Variants in CACNA1D observed in about 807,000 individuals in gnomAD.
CACNA1D encodes the protein voltage-dependent L-type calcium channel subunit alpha-1D.
Under a neutral mutation model 257.1 loss-of-function variants are expected in CACNA1D, and 55 were observed. That is an observed-to-expected ratio of 0.21 (90% CI 0.17 to 0.27). The LOEUF (loss-of-function observed/expected upper bound fraction) is 0.27, where lower values mean the gene tolerates loss of function less well. CACNA1D is among the 10% of genes least tolerant of loss of function. The probability of loss-of-function intolerance (pLI) is 1.00; values close to 1 mark genes in which losing one functional copy is unlikely to be tolerated. For synonymous variants in CACNA1D, 980 were observed against 1,014.9 expected, an observed-to-expected ratio of 0.97 and a Z score of 0.65; for missense variants, 1,876 against 2,784.0, an observed-to-expected ratio of 0.67 and a Z score of 7.34.
intron 29 of CACNA1D, among the ~76,000 whole-genome samples, chr3:53,759,661 C>T (rs2095288954): frequency 6.6e-6 from 1 of 152,240 alleles, no homozygotes; most frequent in African/African-American, 2.4e-5. Context: ...AAGAAAAGGG[C>T]AGGCTCTGCC....
At chr3:53,736,218 G>A (rs890637749) in intron 20 of CACNA1D, among the ~76,000 whole-genome samples, 1 of 152,094 alleles carries the variant, frequency 6.6e-6, no homozygotes. Context: ...TCACATACCT[G>A]CAGTCCCAGC....
At chr3:53,638,266 G>C (rs1029191886) in intron 3 of CACNA1D, among the ~76,000 whole-genome samples, 7 of 152,196 alleles carry the variant, frequency 4.6e-5, no homozygotes, top group Non-Finnish European at 1.0e-4. Flanking sequence ...AGTCCAGGAA[G>C]GTGTAAGAGC....
At chr3:53,510,366 A>C (rs533270277) in intron 3 of CACNA1D, among the ~76,000 whole-genome samples, 3 of 152,338 alleles carry the variant, frequency 2.0e-5, no homozygotes, top group Admixed American at 2.0e-4. Context: ...TAGACCTTAC[A>C]GACCTTTCCA....
intron 3 of CACNA1D, among the ~76,000 whole-genome samples, chr3:53,606,357 C>T (rs2093510491): frequency 6.6e-6 from 1 of 152,234 alleles, no homozygotes; most frequent in South Asian, 2.1e-4. Flanking sequence ...ATGTGAGCAG[C>T]TTCTCTCATT....
intron 3 of CACNA1D, among the ~76,000 whole-genome samples, chr3:53,572,153 T>C (rs1350301673): frequency 6.6e-6 from 1 of 152,156 alleles, no homozygotes; most frequent in Non-Finnish European, 1.5e-5. Flanking sequence ...CTTGTATGTT[T>C]CAAAAGCATC....
At chr3:53,701,433 G>A (rs1206375620) in intron 8 of CACNA1D, among the ~76,000 whole-genome samples, 2 of 152,132 alleles carry the variant, frequency 1.3e-5, no homozygotes, top group Non-Finnish European at 2.9e-5. Flanking sequence ...TGCCTGGCTG[G>A]GGTTAGCTTT....
intron 3 of CACNA1D, among the ~76,000 whole-genome samples, chr3:53,643,259 C>A (rs1223344030): frequency 6.6e-6 from 1 of 152,036 alleles, no homozygotes; most frequent in Non-Finnish European, 1.5e-5. Flanking sequence ...TTCATTAATA[C>A]CTGCAGGGGA....
At chr3:53,733,942 GTGTGTGTGTGTA>G (rs1442944888) in intron 19 of CACNA1D, among the ~76,000 whole-genome samples, 3 of 136,124 alleles carry the variant, frequency 2.2e-5, no homozygotes, top group Admixed American at 7.4e-5. Context: ...GTGTGTGTGT[GTGTGTGTGTGTA>G]TGTATGTATG....
intron 3 of CACNA1D, among the ~76,000 whole-genome samples, chr3:53,631,779 C>T (rs2093824890): frequency 6.6e-6 from 1 of 152,150 alleles, no homozygotes; most frequent in African/African-American, 2.4e-5. Flanking sequence ...GCATGAAAAC[C>T]TTCATCTCCT....
intron 3 of CACNA1D, among the ~76,000 whole-genome samples, chr3:53,517,296 C>A (rs1027580388): frequency 6.6e-6 from 1 of 151,892 alleles, no homozygotes; most frequent in Non-Finnish European, 1.5e-5. Context: ...ACATCTGGGA[C>A]CTACGCAGAA....
At chr3:53,517,827 C>T (rs1032410065) in intron 3 of CACNA1D, among the ~76,000 whole-genome samples, 4 of 152,222 alleles carry the variant, frequency 2.6e-5, no homozygotes, top group Non-Finnish European at 5.9e-5. Flanking sequence ...GTTCCTTGAA[C>T]TCCTTGAGAT....
chr3:53,633,854 T>A (rs971291807), intron 3 of CACNA1D, among the ~76,000 whole-genome samples: 15 of 152,242 alleles, frequency 9.9e-5, no homozygotes, highest in African/African-American at 3.1e-4. Flanking sequence ...GTTTGGCATT[T>A]GAGCAGAATC....
At position 53,629,129 on chromosome 3, in the gene CACNA1D, C is replaced by T. The variant is rs73840158; in HGVS notation, c.484-21650C>T. 5.1e-3 allele frequency among the ~76,000 whole-genome samples: 776 copies of T among 152,286 alleles called. 9 individuals carry two copies. The highest frequency in any genetic ancestry group is 0.016 in the African/African-American group (680 of 41,552). The stretch of plus-strand genomic sequence containing the variant: ...AAGCAGCCTTAGACAAGAAAACAAA[C>T]GAGCGTGGTTGTGTGGCAGTAAAGC... On this transcript the variant is annotated intron_variant, in intron 3 of 47. Coordinates refer to ENST00000350061, the MANE Select transcript of CACNA1D (RefSeq NM_001128840.3).
At chr3:53,802,532 G>A (rs1171524361) in intron 43 of CACNA1D, among the ~76,000 whole-genome samples, 13 of 152,226 alleles carry the variant, frequency 8.5e-5, no homozygotes. Flanking sequence ...GCTTCTTGTG[G>A]GTGCTTTGCA....
In CACNA1D at chr3:53,745,831, C is replaced by G; in HGVS notation, c.3123C>G (p.Phe1041Leu). 1 of 1,613,722 alleles carries G rather than the reference C, an allele frequency of 6.2e-7. No individual in the cohort carries two copies. Among genetic ancestry groups the G allele is most frequent in the Non-Finnish European group, 8.5e-7 (1 of 1,179,584 alleles). Reference protein sequence around the residue: ...CIGVQLFKGKFYRCTDEAKSN... With the variant: ...CIGVQLFKGKLYRCTDEAKSN... ...GTCTATTTTATACCCAGGGGAAGTT[C>G]TATCGCTGTACGGATGAAGCCAAAA... The change falls in exon 25 of 48, where the codon TTC becomes TTG. Residue 1041 changes from phenylalanine (F) to leucine (L), a missense_variant. By Grantham distance (22) the Phe-to-Leu change is conservative. Around this residue, in one of 10 missense-constraint regions of CACNA1D, gnomAD observed 271 missense variants for 425.5 expected, o/e 0.64. Transcript: ENST00000350061.
chr3:53,667,838 T>C (rs1559490776), intron 7 of CACNA1D, among the ~76,000 whole-genome samples: 1 of 143,176 alleles, frequency 7.0e-6, no homozygotes, highest in East Asian at 1.9e-4. Flanking sequence ...TGTGTGTGTA[T>C]GCATGTGTGT....
In CACNA1D at chr3:53,494,805, G is replaced by C. The variant is rs1378013533; in HGVS notation, c.-362G>C. 1 of 156,528 alleles carries C rather than the reference G, an allele frequency of 6.4e-6. No individual in the cohort carries two copies. The highest frequency in any genetic ancestry group is 2.4e-5 in the African/African-American group (1 of 41,084). The allele number at this position is 156,528 out of a possible 1,614,324, so 9.7% of individuals were successfully genotyped here. On this transcript the variant is annotated 5_prime_UTR_variant, in exon 1 of 48. Transcript: ENST00000350061. Reference sequence around the variant, plus strand: ...GAGCGCCGAGCGGCCCCGGCGGCCGGGCCGGCATCACCGCGGCGTCTCTCC... The same window carrying C: ...GAGCGCCGAGCGGCCCCGGCGGCCGCGCCGGCATCACCGCGGCGTCTCTCC...
intron 7 of CACNA1D, 68 bp downstream of exon 7, chr3:53,666,603 GCCA>G (rs1409372278): frequency 7.6e-7 from 1 of 1,321,542 alleles, no homozygotes; most frequent in African/African-American, 1.5e-5. Flanking sequence ...GTGAGCTAGA[GCCA>G]CTGGAGAGGT....
At chr3:53,683,651 A>G (rs1038372585) in intron 8 of CACNA1D, among the ~76,000 whole-genome samples, 2 of 152,234 alleles carry the variant, frequency 1.3e-5, no homozygotes, top group African/African-American at 4.8e-5. Context: ...AGTCACTACT[A>G]TGAGCCTGTT....
Sources: gnomAD v4.1 joint callset for allele counts (sites outside exome capture counted in the v4.1 genomes callset) on GRCh38, gnomAD v4.1.1 for gene constraint, gnomAD v4.1.1 regional missense constraint, MANE v1.5 for transcripts, NCBI Gene and HGNC (gene_info 2026-07-23, HGNC 2026-07-21) for gene names.